The following MICAL3 variants were observed in gnomAD, a reference collection of about 807,000 sequenced individuals.
The protein encoded by MICAL3 is [F-actin]-monooxygenase MICAL3.
Under a neutral mutation model 207.4 loss-of-function variants are expected in MICAL3, and 62 were observed. The observed-to-expected ratio is 0.30, with a 90% CI of 0.24 to 0.37. MICAL3 has a LOEUF of 0.37. Among genes scored for constraint, MICAL3 ranks in the 10% least tolerant of loss-of-function variants. MICAL3 has a pLI of 1.00. For missense variants in MICAL3, 2,368 were observed against 2,635.6 expected (o/e 0.90, Z 2.22); for synonymous variants, 1,077 against 1,069.3 (o/e 1.01, Z -0.14).
At chr22:17,944,997 C>T (rs1267843551) in intron 1 of MICAL3, among the ~76,000 whole-genome samples, 2 of 134,394 alleles carry the variant, frequency 1.5e-5, no homozygotes, top group Non-Finnish European at 3.1e-5. Flanking sequence ...CGCACTCAGG[C>T]ACTGGGGGAC....
At chr22:17,881,339 A>C in intron 16 of MICAL3, 1 of 1,535,424 alleles carries the variant, frequency 6.5e-7, no homozygotes, top group Non-Finnish European at 8.9e-7. Flanking sequence ...AGAGAACATC[A>C]TTCAAACAGT....
At position 17,900,338 on chromosome 22, in the gene MICAL3, G is replaced by A. The variant is rs1369773113; in HGVS notation, c.847+504C>T. Among the ~76,000 whole-genome samples, 2 of 152,316 alleles carry A rather than the reference G, an allele frequency of 1.3e-5. No individual in the cohort carries two copies. Among genetic ancestry groups the A allele is most frequent in the East Asian group, 1.9e-4 (1 of 5,192 alleles). ...CAAACAAAACCTCAGGCTGGGTGTGGTGGCTCACGCTTGTAATCCTAGCAC... is the reference window on the plus strand; with the variant it reads ...CAAACAAAACCTCAGGCTGGGTGTGATGGCTCACGCTTGTAATCCTAGCAC... On this transcript the variant is annotated intron_variant, in intron 6 of 31. Transcript: ENST00000441493. This position sits in a 1 kb window ranked among gnomAD's most constrained non-coding sequence, Gnocchi z 4.0.
At chr22:17,899,603 A>G in intron 6 of MICAL3, 55 bp from the exon 7 acceptor site, 1 of 1,170,410 alleles carries the variant, frequency 8.5e-7, no homozygotes, top group Non-Finnish European at 1.3e-6. Flanking sequence ...AAGGTGCATC[A>G]GGGCAGGCTG....
chr22:17,836,708 G>A (rs559047087), intron 20 of MICAL3, among the ~76,000 whole-genome samples: 3 of 150,872 alleles, frequency 2.0e-5, no homozygotes, highest in East Asian at 2.0e-4. Flanking sequence ...GCAGTGGCGC[G>A]ATCTAGGCTC....
chr22:17,818,835 T>A lies in MICAL3; in HGVS notation c.3826A>T (p.Thr1276Ser). The change falls in exon 26 of 32, where the codon ACC becomes TCC. Residue 1276 changes from threonine to serine, a missense_variant. Thr to Ser is a moderately conservative substitution (Grantham distance 58). Transcript: ENST00000441493. ...PSTEATVPSP[T>S]QSPIRFQPAP... ...GGCTGGAAGCGTATGGGGGACTGGG[T>A]AGGGGATGGGACAGTGGCCTCGGTG... is the stretch of plus-strand genomic sequence containing the variant. The A allele has an allele frequency of 6.5e-7, 1 of 1,545,446 alleles. No homozygotes were observed. The highest frequency in any genetic ancestry group is 2.3e-5 in the East Asian group (1 of 44,016).
intron 1 of MICAL3, among the ~76,000 whole-genome samples, chr22:18,020,613 T>TAAACAA (rs538375933): frequency 8.4e-5 from 10 of 119,736 alleles, no homozygotes; most frequent in African/African-American, 2.6e-4. Flanking sequence ...CTTTAAAAAG[T>TAAACAA]AAAAAAAAAA....
chr22:17,902,566 C>T lies in MICAL3; in HGVS notation c.589+65G>A. 1 of 1,010,360 alleles carries T rather than the reference C, an allele frequency of 9.9e-7. No individual in the cohort carries two copies. Among genetic ancestry groups the T allele is most frequent in the South Asian group, 1.5e-5 (1 of 68,832 alleles). 62.6% of individuals were successfully genotyped at this position (1,010,360 alleles called of 1,614,324 possible). A position where few individuals can be genotyped will look rare whatever the true frequency, so the allele number is the denominator to read the frequency against. ...CTCAGGAGCCTTTGGTTTGCTCCCTCAATCTCATCTTCCTCACCCATCAAC... is the reference window on the plus strand; with the variant it reads ...CTCAGGAGCCTTTGGTTTGCTCCCTTAATCTCATCTTCCTCACCCATCAAC... On this transcript the variant is annotated intron_variant, in intron 4 of 31. Transcript: ENST00000441493. This position sits in a 1 kb window ranked among gnomAD's most constrained non-coding sequence, Gnocchi z 4.5.
At chr22:17,857,880 C>T (rs1379022970) in intron 19 of MICAL3, among the ~76,000 whole-genome samples, 1 of 152,260 alleles carries the variant, frequency 6.6e-6, no homozygotes, top group Non-Finnish European at 1.5e-5. Context: ...AGGAAAAGCA[C>T]ATCAGTGACA....
At chr22:17,973,265 T>TG (rs1475351770) in intron 1 of MICAL3, among the ~76,000 whole-genome samples, 2 of 151,774 alleles carry the variant, frequency 1.3e-5, no homozygotes, top group Non-Finnish European at 1.5e-5. Context: ...AAAACAAAGG[T>TG]GGGGGGAGCC....
chr22:17,834,623 G>C (rs914313640), intron 20 of MICAL3: 6 of 1,082,602 alleles, frequency 5.5e-6, no homozygotes, highest in African/African-American at 1.7e-5. Context: ...AAAGGTGTAC[G>C]CACATCATGC....
chr22:17,852,056 C>A (rs866125669), intron 19 of MICAL3, among the ~76,000 whole-genome samples: 1 of 152,144 alleles, frequency 6.6e-6, no homozygotes, highest in Non-Finnish European at 1.5e-5. Flanking sequence ...CGGAATGCAT[C>A]CAAAGCCAGC....
intron 11 of MICAL3, among the ~76,000 whole-genome samples, chr22:17,893,458 C>T (rs1436703164): frequency 1.3e-5 from 2 of 152,108 alleles, no homozygotes; most frequent in African/African-American, 4.8e-5. Flanking sequence ...AACCTTAGCT[C>T]TCACACTCTC....
intron 21 of MICAL3, 45 bp from the exon 22 acceptor site, chr22:17,827,826 AG>A: frequency 1.3e-6 from 2 of 1,516,348 alleles, no homozygotes; most frequent in Non-Finnish European, 8.9e-7. Context: ...GTGGGGAAGG[AG>A]GGGATGAAAT....
chr22:17,883,028 T>G (rs1184181184), intron 16 of MICAL3, among the ~76,000 whole-genome samples: 3 of 152,058 alleles, frequency 2.0e-5, no homozygotes, highest in Admixed American at 6.6e-5. Flanking sequence ...CTGACCTCCC[T>G]CTCCCTCTGC....
intron 16 of MICAL3, among the ~76,000 whole-genome samples, chr22:17,878,771 G>C (rs1042691705): frequency 3.3e-5 from 5 of 152,134 alleles, no homozygotes; most frequent in Admixed American, 3.3e-4. Flanking sequence ...GCTGCAATCA[G>C]TAATTTCTCC....
At chr22:17,827,609 G>T in intron 22 of MICAL3, 35 bp downstream of exon 22, 1 of 1,526,182 alleles carries the variant, frequency 6.6e-7, no homozygotes. Flanking sequence ...GGTGGTGCTC[G>T]GGGCACACTG....
At chr22:17,948,952 G>A (rs1408977083) in intron 1 of MICAL3, among the ~76,000 whole-genome samples, 1 of 147,212 alleles carries the variant, frequency 6.8e-6, no homozygotes, top group African/African-American at 2.5e-5. Flanking sequence ...GGTCGTGCCT[G>A]TAATCCCAGC....
At chr22:17,877,382 G>A (rs371659530) in intron 16 of MICAL3, among the ~76,000 whole-genome samples, 40 of 108,678 alleles carry the variant, frequency 3.7e-4, no homozygotes, top group Non-Finnish European at 5.5e-4. Flanking sequence ...AGGTGAGGGA[G>A]GTTATGGAGG....
intron 16 of MICAL3, chr22:17,879,330 G>A: frequency 6.2e-7 from 1 of 1,602,712 alleles, no homozygotes; most frequent in Non-Finnish European, 8.5e-7. Flanking sequence ...CATGCCACGG[G>A]TTCATGCTCT....
Sources: allele counts gnomAD v4.1 joint callset (sites outside exome capture counted in the v4.1 genomes callset), GRCh38; gene constraint gnomAD v4.1.1; non-coding constraint Gnocchi (gnomAD v3.1); transcripts MANE v1.5; gene names NCBI Gene and HGNC (gene_info 2026-07-23, HGNC 2026-07-21).